Variants in GDA observed in about 807,000 individuals in gnomAD.
GDA encodes the protein cytoplasmic PSD-95 interactor.
In GDA, 18 loss-of-function variants were observed where a neutral mutation model predicts 59.6. The observed-to-expected ratio is 0.30, with a 90% CI of 0.21 to 0.45. GDA has a LOEUF of 0.45. Among genes scored for constraint, GDA ranks in the 20% least tolerant of loss-of-function variants. The pLI is 1.00. For synonymous variants in GDA, 201 were observed against 201.1 expected, an observed-to-expected ratio of 1.00 and a Z score of 0.00; for missense variants, 427 against 552.3, an observed-to-expected ratio of 0.77 and a Z score of 2.27.
chr9:72,213,592 A>G (rs1564080754), intron 4 of GDA, among the ~76,000 whole-genome samples: 2 of 151,754 alleles, frequency 1.3e-5, no homozygotes. Context: ...TCACAAGGTC[A>G]GGAGATCGAG....
intron 1 of GDA, among the ~76,000 whole-genome samples, chr9:72,170,766 A>G (rs1829867010): frequency 6.6e-6 from 1 of 152,132 alleles, no homozygotes; most frequent in African/African-American, 2.4e-5. Context: ...ACAAAGATGA[A>G]GGCGCCTTTT....
Position 72,131,055 on chromosome 9 carries a change from G to A in GDA, c.-100+16222G>A, listed in dbSNP as rs1313350677. Among the ~76,000 whole-genome samples the A allele has an allele frequency of 3.9e-5, 6 of 152,222 alleles. No homozygotes were observed. The South Asian group carries it at 1.0e-3, about 26-fold the overall frequency. ...ATCACAAGGACAGTGCAATTGGTTG[G>A]CTGTGGTTAAGTTCCACTGATGCCC... On this transcript the variant is annotated intron_variant, in intron 1 of 13. Transcript: ENST00000545168.
upstream of GDA, chr9:72,149,436 G>C: frequency 8.5e-7 from 1 of 1,179,990 alleles, no homozygotes; most frequent in Non-Finnish European, 1.2e-6. Context: ...GGGTAAGCGG[G>C]GGCAGGACAA....
At chr9:72,240,648 C>T (rs1839508329) in intron 10 of GDA, among the ~76,000 whole-genome samples, 1 of 152,002 alleles carries the variant, frequency 6.6e-6, no homozygotes, top group Non-Finnish European at 1.5e-5. Context: ...GATCAATACC[C>T]TTAGAAGAGA....
rs564046791 is a variant in GDA at position 72,120,342 on chromosome 9, C to A, written c.-100+5509C>A. Among the ~76,000 whole-genome samples the A allele has an allele frequency of 1.5e-3, 227 of 152,210 alleles. 1 individual carries two copies. Among genetic ancestry groups the A allele is most frequent in the African/African-American group, 3.9e-3 (162 of 41,536 alleles). On this transcript the variant is annotated intron_variant, in intron 1 of 13. Transcript: ENST00000545168. ...TAGCTGGGACTACAGGCTTGCACTA[C>A]CACGCCCAGCTAATTTTTAAAAAAT...
At chr9:72,214,420 T>C (rs1282407281) in intron 5 of GDA, among the ~76,000 whole-genome samples, 1 of 151,822 alleles carries the variant, frequency 6.6e-6, no homozygotes, top group African/African-American at 2.4e-5. Context: ...CTCAGCCTCC[T>C]GAGTAGCTGG....
chr9:72,168,453 G>A (rs1829584967), intron 1 of GDA, among the ~76,000 whole-genome samples: 1 of 138,872 alleles, frequency 7.2e-6, no homozygotes, highest in Admixed American at 7.8e-5. Context: ...GGAGTGCAGT[G>A]ATACGATCTC....
intron 1 of GDA, among the ~76,000 whole-genome samples, chr9:72,163,158 T>A (rs559871706): frequency 1.3e-5 from 2 of 152,122 alleles, no homozygotes; most frequent in African/African-American, 2.4e-5. Context: ...TGGGATTTGA[T>A]GACAAAAATG....
intron 1 of GDA, among the ~76,000 whole-genome samples, chr9:72,168,593 A>G (rs964174692): frequency 1.3e-5 from 2 of 151,852 alleles, no homozygotes; most frequent in African/African-American, 4.8e-5. Flanking sequence ...TGGTTTTGCC[A>G]TGTTGGCCAG....
At chr9:72,257,435 A>G (rs190991042), downstream of GDA, 9 of 152,288 alleles carry the variant, frequency 5.9e-5, no homozygotes, top group Admixed American at 2.0e-4. Context: ...ATAGGATATA[A>G]ACTTTGAAAT....
chr9:72,219,436 G>T (rs367830934), intron 5 of GDA, 43 bp from the exon 6 acceptor site: 1 of 1,442,670 alleles, frequency 6.9e-7, no homozygotes, highest in South Asian at 1.2e-5. Context: ...AAGAAAAAAA[G>T]AAAATGCTCA....
intron 1 of GDA, among the ~76,000 whole-genome samples, chr9:72,160,862 C>G (rs539732693): frequency 2.6e-5 from 4 of 152,238 alleles, no homozygotes; most frequent in African/African-American, 9.6e-5. Context: ...ACCTTCCATT[C>G]GCTGGATGGA....
chr9:72,201,197 T>G (rs1833965868), intron 2 of GDA, among the ~76,000 whole-genome samples: 1 of 151,612 alleles, frequency 6.6e-6, no homozygotes. Context: ...CACAGAATTT[T>G]TTTTTTTTTT....
intron 1 of GDA, among the ~76,000 whole-genome samples, chr9:72,160,234 G>A (rs773480011): frequency 2.0e-5 from 3 of 152,236 alleles, no homozygotes; most frequent in South Asian, 2.1e-4. Context: ...GCCGAAACCC[G>A]GGAGGCGGAG....
chr9:72,124,921 T>G (rs1044387255), intron 1 of GDA, among the ~76,000 whole-genome samples: 16 of 152,130 alleles, frequency 1.1e-4, no homozygotes, highest in Non-Finnish European at 2.2e-4. Context: ...GTGATCAGTC[T>G]TATTTGGAAA....
chr9:72,177,960 T>G (rs1830730854), intron 1 of GDA, among the ~76,000 whole-genome samples: 2 of 152,380 alleles, frequency 1.3e-5, no homozygotes, highest in South Asian at 4.1e-4. Flanking sequence ...ACCTCGCTAC[T>G]CTGTTGTCAC....
At chr9:72,201,268 C>G (rs1412733135) in intron 2 of GDA, among the ~76,000 whole-genome samples, 1 of 151,634 alleles carries the variant, frequency 6.6e-6, no homozygotes, top group Non-Finnish European at 1.5e-5. Context: ...TCTTAGCAGG[C>G]CAAAACCAGA....
chr9:72,117,028 T>A (rs1354479705), intron 1 of GDA, among the ~76,000 whole-genome samples: 2 of 151,910 alleles, frequency 1.3e-5, no homozygotes, highest in Non-Finnish European at 2.9e-5. Context: ...CATGCAGTGT[T>A]TGGTTTTCTG....
At chr9:72,150,192 A>G (rs1444528569) in intron 1 of GDA, among the ~76,000 whole-genome samples, 2 of 152,166 alleles carry the variant, frequency 1.3e-5, no homozygotes, top group Admixed American at 1.3e-4. Flanking sequence ...CATTCACCCT[A>G]TCATTCAACA....
Sources: allele counts gnomAD v4.1 joint callset (sites outside exome capture counted in the v4.1 genomes callset), GRCh38; gene constraint gnomAD v4.1.1; transcripts MANE v1.5; gene names NCBI Gene and HGNC (gene_info 2026-07-23, HGNC 2026-07-21).